Variants in GUCY1A2 observed in about 807,000 individuals in gnomAD.
GUCY1A2 encodes the protein guanylate cyclase soluble subunit alpha-2.
Under a neutral mutation model 63.5 loss-of-function variants are expected in GUCY1A2, and 27 were observed. That is an observed-to-expected ratio of 0.43 (90% CI 0.31 to 0.59). GUCY1A2 has a LOEUF of 0.59. Among genes scored for constraint, GUCY1A2 ranks in the 20% least tolerant of loss-of-function variants. The pLI is 0.11. For missense variants in GUCY1A2, 768 were observed against 913.3 expected (o/e 0.84, Z 2.05); for synonymous variants, 364 against 343.5 (o/e 1.06, Z -0.66).
In GUCY1A2 at chr11:106,868,753, C is replaced by T. The variant is rs1366532479; in HGVS notation, c.1207-58275G>A. Among the ~76,000 whole-genome samples, 3 of 152,158 alleles carry T rather than the reference C, an allele frequency of 2.0e-5. No individual in the cohort carries two copies. In the East Asian group the frequency reaches 5.8e-4, roughly 29 times the overall value. ...ACTTGCTTCACAGAATTGGAAAAAA[C>T]TACTTTAAAGTTCATATGGAACCAA... On this transcript the variant is annotated intron_variant, in intron 4 of 7. Coordinates refer to ENST00000526355, the MANE Select transcript of GUCY1A2 (RefSeq NM_000855.3).
At chr11:106,847,763 T>C (rs797014936) in intron 4 of GUCY1A2, among the ~76,000 whole-genome samples, 8 of 151,834 alleles carry the variant, frequency 5.3e-5, no homozygotes, top group African/African-American at 1.7e-4. Context: ...TATGTACTTA[T>C]TTATTCATGG....
intron 1 of GUCY1A2, among the ~76,000 whole-genome samples, chr11:107,014,347 A>C (rs1861790972): frequency 6.6e-6 from 1 of 152,076 alleles, no homozygotes. Context: ...TCGGCCTCCC[A>C]AAGTGCTGGG....
chr11:106,873,006 T>G (rs898343161), intron 4 of GUCY1A2, among the ~76,000 whole-genome samples: 3 of 152,158 alleles, frequency 2.0e-5, no homozygotes, highest in Non-Finnish European at 4.4e-5. Flanking sequence ...CACTTATGTT[T>G]GAGAAATGCA....
At chr11:106,687,788 G>C in intron 7 of GUCY1A2, 32 bp from the exon 8 acceptor site, 2 of 1,420,168 alleles carry the variant, frequency 1.4e-6, no homozygotes, top group Non-Finnish European at 2.0e-6. Context: ...CATGAATCAA[G>C]TAGGCCAGGG....
rs139609473 is a variant in GUCY1A2, at chr11:106,880,529, C to T, written c.1206+58931G>A. ...TTCTTTATCCAACACAGTGCTATCC[C>T]TATTGAAATCAACAGGGGTTTGGCA... On this transcript the variant is annotated intron_variant, in intron 4 of 7. Coordinates refer to ENST00000526355, the MANE Select transcript of GUCY1A2 (RefSeq NM_000855.3). 6.9e-3 allele frequency among the ~76,000 whole-genome samples: 1,049 copies of T among 152,136 alleles called. 8 individuals carry two copies. Among genetic ancestry groups the T allele is most frequent in the African/African-American group, 0.024 (987 of 41,516 alleles).
chr11:106,999,970 T>G (rs915087591), intron 1 of GUCY1A2, among the ~76,000 whole-genome samples: 1 of 152,164 alleles, frequency 6.6e-6, no homozygotes, highest in African/African-American at 2.4e-5. Flanking sequence ...AACCCAAGAA[T>G]GCAGCTGAAT....
intron 4 of GUCY1A2, among the ~76,000 whole-genome samples, chr11:106,874,631 C>T (rs528744478): frequency 6.6e-6 from 1 of 151,948 alleles, no homozygotes; most frequent in South Asian, 2.1e-4. Context: ...AGAAGAATGC[C>T]GACCTTATTA....
intron 6 of GUCY1A2, among the ~76,000 whole-genome samples, chr11:106,765,339 A>G (rs982000641): frequency 1.3e-5 from 2 of 152,052 alleles, no homozygotes; most frequent in African/African-American, 4.8e-5. Context: ...AGCCTAACCC[A>G]AACCTCTCGA....
At chr11:106,868,632 C>T (rs1264095480) in intron 4 of GUCY1A2, among the ~76,000 whole-genome samples, 2 of 152,140 alleles carry the variant, frequency 1.3e-5, no homozygotes, top group African/African-American at 4.8e-5. Flanking sequence ...GAAGAACATT[C>T]CATGCTCATG....
At chr11:106,731,148 T>C (rs977099429) in intron 6 of GUCY1A2, among the ~76,000 whole-genome samples, 6 of 152,156 alleles carry the variant, frequency 3.9e-5, no homozygotes, top group Non-Finnish European at 8.8e-5. Context: ...TTTTGGCATC[T>C]TCCTCATAAA....
intron 6 of GUCY1A2, among the ~76,000 whole-genome samples, chr11:106,727,323 G>A (rs920339244): frequency 6.6e-6 from 1 of 152,174 alleles, no homozygotes; most frequent in African/African-American, 2.4e-5. Context: ...AAATTCAAGA[G>A]CTGTCCTGTG....
chr11:106,733,927 A>G (rs750863556), intron 6 of GUCY1A2, among the ~76,000 whole-genome samples: 1 of 152,118 alleles, frequency 6.6e-6, no homozygotes, highest in Admixed American at 6.6e-5. Context: ...GCATTCCTCT[A>G]TCTCCTAGAG....
chr11:106,937,121 A>C (rs1860690018), intron 4 of GUCY1A2, among the ~76,000 whole-genome samples: 1 of 152,176 alleles, frequency 6.6e-6, no homozygotes, highest in Non-Finnish European at 1.5e-5. Context: ...TAACCTCTCA[A>C]ATGTCCCATT....
In GUCY1A2 at chr11:106,877,093, T is replaced by C. The variant is rs185247071; in HGVS notation, c.1206+62367A>G. 7.4e-4 allele frequency among the ~76,000 whole-genome samples: 113 copies of C among 152,102 alleles called. 1 individual carries two copies. The highest frequency in any genetic ancestry group is 2.6e-3 in the African/African-American group (109 of 41,534). ...AAAGGACACAAGCAGCCTTTAGAAG[T>C]TGAAAAAGGGTTCCTGATTTGGCTT... On this transcript the variant is annotated intron_variant, in intron 4 of 7. Coordinates refer to ENST00000526355, the MANE Select transcript of GUCY1A2 (RefSeq NM_000855.3).
chr11:106,941,822 A>G (rs928545946), intron 3 of GUCY1A2, among the ~76,000 whole-genome samples: 1 of 152,238 alleles, frequency 6.6e-6, no homozygotes, highest in Non-Finnish European at 1.5e-5. Context: ...CTTAAAATCA[A>G]TGTGATAGGA....
Position 106,929,140 on chromosome 11 carries a change from T to G in GUCY1A2, c.1206+10320A>C, listed in dbSNP as rs1860568257. 2.0e-5 allele frequency among the ~76,000 whole-genome samples: 3 copies of G among 152,226 alleles called. No homozygotes were observed. The South Asian group carries it at 6.2e-4, about 31-fold the overall frequency. ...ACTTGTTAATAACTCATAGCCTAAT[T>G]ACTTGTTTACTATTTTAGCATTTCT... On this transcript the variant is annotated intron_variant, in intron 4 of 7. Coordinates refer to ENST00000526355, the MANE Select transcript of GUCY1A2 (RefSeq NM_000855.3).
chr11:107,009,099 CCATTT>C (rs971433301), intron 1 of GUCY1A2, among the ~76,000 whole-genome samples: 32 of 152,274 alleles, frequency 2.1e-4, no homozygotes, highest in African/African-American at 7.5e-4. Flanking sequence ...TGTTGGATCA[CCATTT>C]ATTTACTTGG....
intron 4 of GUCY1A2, among the ~76,000 whole-genome samples, chr11:106,842,896 G>A (rs897319180): frequency 2.0e-5 from 3 of 151,906 alleles, no homozygotes; most frequent in Non-Finnish European, 4.4e-5. Flanking sequence ...AGGCCCTTGG[G>A]TGTCTGTGGC....
intron 3 of GUCY1A2, among the ~76,000 whole-genome samples, chr11:106,966,389 T>C (rs917292178): frequency 2.6e-5 from 4 of 152,184 alleles, no homozygotes; most frequent in African/African-American, 7.2e-5. Context: ...ATTACAGGAA[T>C]GAGCCACCGC....
Sources: gnomAD v4.1 joint callset for allele counts (sites outside exome capture counted in the v4.1 genomes callset) on GRCh38, gnomAD v4.1.1 for gene constraint, MANE v1.5 for transcripts, NCBI Gene and HGNC (gene_info 2026-07-23, HGNC 2026-07-21) for gene names.